Variants in GNPTAB observed in about 807,000 individuals in gnomAD.
GNPTAB encodes the protein N-acetylglucosamine-1-phosphate transferase subunits alpha and beta.
In GNPTAB, 92 loss-of-function variants were observed where a neutral mutation model predicts 136.6. The observed-to-expected ratio is 0.67, with a 90% CI of 0.57 to 0.80. GNPTAB has a LOEUF of 0.80. Ranked by LOEUF, GNPTAB falls within the 30% of genes least tolerant of loss-of-function variation. GNPTAB has a pLI of 0.00. For synonymous variants in GNPTAB, 512 were observed against 535.1 expected, an observed-to-expected ratio of 0.96 and a Z score of 0.60; for missense variants, 1,343 against 1,501.8, an observed-to-expected ratio of 0.89 and a Z score of 1.75.
rs1555277165 is a variant in GNPTAB at position 101,830,904 on chromosome 12, T to TGCGGCCGGCGAG, written c.-241_-230dup. ...GCCCTCGGCGCGGCGGAGGCGGACC[T>TGCGGCCGGCGAG]GCGGCCGGCGAGGCGGCCGGCGCCG... On this transcript the variant is annotated 5_prime_UTR_variant, in exon 1 of 21. Transcript: ENST00000299314. The TGCGGCCGGCGAG allele has an allele frequency of 6.8e-6, 1 of 146,106 alleles. No individual in the cohort carries two copies. Among genetic ancestry groups the TGCGGCCGGCGAG allele is most frequent in the African/African-American group, 2.5e-5 (1 of 40,118 alleles). 9.1% of individuals were successfully genotyped at this position (146,106 alleles called of 1,614,324 possible).
At chr12:101,774,401 A>C (rs987243306) in intron 7 of GNPTAB, among the ~76,000 whole-genome samples, 5 of 152,270 alleles carry the variant, frequency 3.3e-5, no homozygotes, top group Non-Finnish European at 5.9e-5. Flanking sequence ...TTTCAATGGC[A>C]TGACAGATAT....
intron 1 of GNPTAB, among the ~76,000 whole-genome samples, chr12:101,827,463 T>C (rs1192735864): frequency 2.0e-5 from 3 of 152,060 alleles, no homozygotes. Flanking sequence ...GTCCAACTCC[T>C]GACTTCAAGC....
chr12:101,772,781 G>GA (rs1316349923), intron 7 of GNPTAB, among the ~76,000 whole-genome samples: 9 of 152,090 alleles, frequency 5.9e-5, no homozygotes, highest in African/African-American at 2.2e-4. Context: ...TCCCTGGAGA[G>GA]AAAAAGTCAC....
Position 101,826,506 on chromosome 12 carries a change from ATT to A in GNPTAB, c.117+4051_117+4052del, listed in dbSNP as rs11311603. Among the ~76,000 whole-genome samples, 568 of 142,174 alleles carry A rather than the reference ATT, an allele frequency of 4.0e-3. 2 individuals carry two copies. Among genetic ancestry groups the A allele is most frequent in the African/African-American group, 0.013 (490 of 38,398 alleles). The allele number at this position is 142,174 out of a possible 152,430, so 93.3% of individuals were successfully genotyped here. A position where few individuals can be genotyped will look rare whatever the true frequency, so the allele number is the denominator to read the frequency against. On this transcript the variant is annotated intron_variant, in intron 1 of 20. Coordinates refer to ENST00000299314, the MANE Select transcript of GNPTAB (RefSeq NM_024312.5). ...TTTAATTTTATTTTTCTGATTTTTA[ATT>A]TTTTTTTTTTTTCAAAACAGACCAG...
chr12:101,827,859 C>T (rs374098512), intron 1 of GNPTAB, among the ~76,000 whole-genome samples: 34 of 152,088 alleles, frequency 2.2e-4, no homozygotes, highest in African/African-American at 4.1e-4. Flanking sequence ...CCAGCTACTC[C>T]GGAGGGTGGG....
At position 101,764,434 on chromosome 12, in the gene GNPTAB, C is replaced by T; in HGVS notation, c.2483G>A (p.Gly828Glu). Residue 828 changes from glycine to glutamate, a missense_variant, in exon 13 of 21, where the codon GGA (glycine) becomes GAA (glutamate). By Grantham distance (98) the Gly-to-Glu change is moderately conservative (BLOSUM62 -2). Coordinates refer to ENST00000299314, the MANE Select transcript of GNPTAB (RefSeq NM_024312.5). ...VETHTQKTIGGNVTKEKPPSL... is the reference protein window; with the variant it reads ...VETHTQKTIGENVTKEKPPSL... Reference sequence around the variant, plus strand: ...TGGGGGCTTTTCTTTTGTCACATTTCCGCCTATGGTTTTTTGGGTGTGAGT... The same window carrying T: ...TGGGGGCTTTTCTTTTGTCACATTTTCGCCTATGGTTTTTTGGGTGTGAGT... The T allele has an allele frequency of 6.2e-6, 10 of 1,613,462 alleles. No individual in the cohort carries two copies. Among genetic ancestry groups the T allele is most frequent in the Non-Finnish European group, 8.5e-6 (10 of 1,180,018 alleles).
intron 1 of GNPTAB, among the ~76,000 whole-genome samples, chr12:101,807,830 T>A (rs1870011062): frequency 6.6e-6 from 1 of 152,160 alleles, no homozygotes; most frequent in African/African-American, 2.4e-5. Context: ...CTCAGTGGAC[T>A]GAGGCACAAT....
At chr12:101,810,145 G>A (rs916161240) in intron 1 of GNPTAB, among the ~76,000 whole-genome samples, 4 of 152,018 alleles carry the variant, frequency 2.6e-5, no homozygotes, top group African/African-American at 9.7e-5. Context: ...TACTTGGGAG[G>A]CTGAGGGAAG....
At chr12:101,780,496 TATTA>T in intron 6 of GNPTAB, 57 bp downstream of exon 6, 2 of 1,268,070 alleles carry the variant, frequency 1.6e-6, no homozygotes, top group Non-Finnish European at 2.3e-6. Flanking sequence ...AAAACAGCTT[TATTA>T]TTCATATTTT....
At chr12:101,779,805 T>C (rs1040794394) in intron 7 of GNPTAB, 3 of 324,830 alleles carry the variant, frequency 9.2e-6, no homozygotes, top group Admixed American at 4.5e-5. Flanking sequence ...TAAGACATTG[T>C]AGGAGCTCGT....
At chr12:101,782,420 C>A (rs908558450) in intron 5 of GNPTAB, among the ~76,000 whole-genome samples, 1 of 151,924 alleles carries the variant, frequency 6.6e-6, no homozygotes, top group Non-Finnish European at 1.5e-5. Flanking sequence ...AAGTAAAGTA[C>A]GTCGAATAAA....
chr12:101,808,997 G>A (rs1870086094), intron 1 of GNPTAB, among the ~76,000 whole-genome samples: 1 of 152,200 alleles, frequency 6.6e-6, no homozygotes, highest in Non-Finnish European at 1.5e-5. Flanking sequence ...AGAATAAAAA[G>A]ATAACTATTG....
Position 101,764,412 on chromosome 12 carries a change from G to A in GNPTAB, c.2505C>T (p.Pro835=), listed in dbSNP as rs775650744. The change falls in exon 13 of 21, where the codon CCC becomes CCT. Residue 835 remains proline (P), a synonymous_variant. Coordinates refer to ENST00000299314, the MANE Select transcript of GNPTAB (RefSeq NM_024312.5). Reference sequence around the variant, plus strand: ...TTTCCAGTGGAACAATCAGAGATGGGGGCTTTTCTTTTGTCACATTTCCGC... The same window carrying A: ...TTTCCAGTGGAACAATCAGAGATGGAGGCTTTTCTTTTGTCACATTTCCGC... The part of the protein sequence containing the change: ...TIGGNVTKEK[P]PSLIVPLESQ... 1.3e-5 allele frequency: 21 copies of A among 1,613,222 alleles called. No individual in the cohort carries two copies. In the Middle Eastern group the frequency reaches 2.5e-3, roughly 189 times the overall value.
At chr12:101,824,781 C>T (rs1871004830) in intron 1 of GNPTAB, among the ~76,000 whole-genome samples, 1 of 152,056 alleles carries the variant, frequency 6.6e-6, no homozygotes, top group African/African-American at 2.4e-5. Flanking sequence ...AGTTAACAAA[C>T]TGGTTAATAA....
chr12:101,771,274 T>C (rs1457014086), intron 7 of GNPTAB, 117 bp from the exon 8 acceptor site: 1 of 890,432 alleles, frequency 1.1e-6, no homozygotes, highest in Non-Finnish European at 1.8e-6. Context: ...AGACACAGTC[T>C]CGCTCTGTCG....
At position 101,770,034 on chromosome 12, in the gene GNPTAB, G is replaced by A; in HGVS notation, c.1271C>T (p.Ser424Phe). The A allele has an allele frequency of 6.2e-7, 1 of 1,613,972 alleles. No homozygotes were observed. The highest frequency in any genetic ancestry group is 8.5e-7 in the Non-Finnish European group (1 of 1,179,978). The part of the protein sequence containing the change: ...DVWPDDFYSH[S>F]KGQKVYLTWP... Reference sequence around the variant, plus strand: ...TTAGGCACTCACCTTCTGGCCTTTGGAGTGACTGTAAAAATCATCTGGCCA... The same window carrying A: ...TTAGGCACTCACCTTCTGGCCTTTGAAGTGACTGTAAAAATCATCTGGCCA... Residue 424 changes from serine to phenylalanine, a missense_variant, in exon 10 of 21, where the codon TCC becomes TTC. Ser to Phe is a radical substitution (Grantham distance 155). Coordinates refer to ENST00000299314, the MANE Select transcript of GNPTAB (RefSeq NM_024312.5).
intron 1 of GNPTAB, among the ~76,000 whole-genome samples, chr12:101,829,000 A>G (rs775486556): frequency 2.6e-5 from 4 of 152,108 alleles, no homozygotes. Context: ...CCTCTTTTCC[A>G]TTATGCCTTA....
chr12:101,803,005 T>C (rs1229566932), intron 1 of GNPTAB, among the ~76,000 whole-genome samples: 2 of 151,988 alleles, frequency 1.3e-5, no homozygotes. Flanking sequence ...CTGAAAAAGA[T>C]GGAATCTCTC....
chr12:101,760,181 TGTAA>T (rs1172873831), intron 15 of GNPTAB, 38 bp from the exon 16 acceptor site: 2 of 1,181,114 alleles, frequency 1.7e-6, no homozygotes, highest in African/African-American at 3.0e-5. Context: ...TTATGCGCAT[TGTAA>T]GTAATGACTG....
Sources: gnomAD v4.1 joint callset for allele counts (sites outside exome capture counted in the v4.1 genomes callset) on GRCh38, gnomAD v4.1.1 for gene constraint, MANE v1.5 for transcripts, NCBI Gene and HGNC (gene_info 2026-07-23, HGNC 2026-07-21) for gene names.